Variants in FOXP1 observed in about 807,000 individuals in gnomAD.
The protein encoded by FOXP1 is forkhead box protein P1.
FOXP1 carries 15 observed loss-of-function variants against 98.2 expected under a neutral mutation model. The ratio of observed to expected loss-of-function variants is 0.15; its 90% CI spans 0.10 to 0.24. The LOEUF is 0.24. Among genes scored for constraint, FOXP1 ranks in the 10% least tolerant of loss-of-function variants. The pLI is 1.00. For synonymous variants in FOXP1, 371 were observed against 314.5 expected, an observed-to-expected ratio of 1.18 and a Z score of -1.90; for missense variants, 633 against 848.5, an observed-to-expected ratio of 0.75 and a Z score of 3.15.
At chr3:71,392,418 T>C (rs901839140) in intron 3 of FOXP1, among the ~76,000 whole-genome samples, 6 of 152,206 alleles carry the variant, frequency 3.9e-5, no homozygotes, top group African/African-American at 1.4e-4. Context: ...TTAATGGATA[T>C]ATGTGATATA....
chr3:71,139,112 T>A (rs1385575778), intron 6 of FOXP1, among the ~76,000 whole-genome samples: 1 of 152,112 alleles, frequency 6.6e-6, no homozygotes, highest in African/African-American at 2.4e-5. Context: ...ATGATTACAA[T>A]CCTGAGATAA....
At chr3:71,573,243 C>T (rs934550988) in intron 2 of FOXP1, among the ~76,000 whole-genome samples, 4 of 152,094 alleles carry the variant, frequency 2.6e-5, no homozygotes, top group African/African-American at 9.7e-5. Context: ...GACATAAATA[C>T]ACACACAAGG....
intron 9 of FOXP1, among the ~76,000 whole-genome samples, chr3:71,049,032 C>G (rs760798721): frequency 9.9e-5 from 15 of 152,202 alleles, no homozygotes; most frequent in Non-Finnish European, 2.2e-4. Context: ...GGTTGCCAAA[C>G]TGCGCTCCCC....
chr3:71,192,649 A>AT (rs1391788678), intron 6 of FOXP1, among the ~76,000 whole-genome samples: 2 of 152,144 alleles, frequency 1.3e-5, no homozygotes, highest in African/African-American at 4.8e-5. Context: ...TTGCTTGTGT[A>AT]TTTTTTGTTT....
Position 71,485,970 on chromosome 3 carries a change from G to T in FOXP1, c.-168+7456C>A, listed in dbSNP as rs575525898. 5.9e-5 allele frequency among the ~76,000 whole-genome samples: 9 copies of T among 152,230 alleles called. No individual in the cohort carries two copies. In the South Asian group the frequency reaches 1.9e-3, roughly 32 times the overall value. ...TGAAGCTGCTGTTTTAAATAAGTCA[G>T]ATTCCACCTCTTTCACAAAGACAAG... On this transcript the variant is annotated intron_variant, in intron 3 of 20. Transcript: ENST00000649528.
At chr3:71,352,483 A>AC (rs529605458) in intron 4 of FOXP1, among the ~76,000 whole-genome samples, 7 of 135,494 alleles carry the variant, frequency 5.2e-5, no homozygotes, top group South Asian at 2.3e-4. Flanking sequence ...AAAAAAAAAA[A>AC]AAAAAAAAAA....
chr3:71,514,844 G>C (rs1371239939), intron 2 of FOXP1, among the ~76,000 whole-genome samples: 3 of 152,052 alleles, frequency 2.0e-5, no homozygotes, highest in Non-Finnish European at 4.4e-5. Flanking sequence ...GCCCAGTAAG[G>C]GACTGAAACA....
At chr3:71,217,619 G>A (rs1285064505) in intron 5 of FOXP1, among the ~76,000 whole-genome samples, 1 of 152,058 alleles carries the variant, frequency 6.6e-6, no homozygotes, top group South Asian at 2.1e-4. Context: ...AGAGAGAGAT[G>A]GGCTGGGGCA....
At chr3:71,334,600 A>C (rs970684068) in intron 4 of FOXP1, 1 of 152,202 alleles carries the variant, frequency 6.6e-6, no homozygotes, top group Non-Finnish European at 1.5e-5. Context: ...ATCTAATAAA[A>C]TTACTGGACT....
chr3:71,196,727 C>T (rs1190993439), intron 6 of FOXP1, among the ~76,000 whole-genome samples: 2 of 152,194 alleles, frequency 1.3e-5, no homozygotes, highest in African/African-American at 4.8e-5. Flanking sequence ...CTATCTACTG[C>T]TGGGTTTTGC....
At chr3:71,126,652 C>T (rs1262431723) in intron 6 of FOXP1, among the ~76,000 whole-genome samples, 3 of 151,684 alleles carry the variant, frequency 2.0e-5, no homozygotes, top group South Asian at 2.1e-4. Flanking sequence ...GGCAAAACTC[C>T]GTCTCTACTA....
chr3:71,065,689 C>G (rs981608108), intron 7 of FOXP1: 1 of 152,184 alleles, frequency 6.6e-6, no homozygotes, highest in African/African-American at 2.4e-5. Context: ...ATCTGCCACA[C>G]GTTTGCTAAG....
chr3:71,064,188 C>T (rs944507377), intron 7 of FOXP1, among the ~76,000 whole-genome samples: 1 of 152,124 alleles, frequency 6.6e-6, no homozygotes, highest in Non-Finnish European at 1.5e-5. Context: ...GGGCTCTGTG[C>T]CTCTCCCTCC....
At chr3:71,122,749 T>C (rs1172340292) in intron 6 of FOXP1, among the ~76,000 whole-genome samples, 2 of 152,312 alleles carry the variant, frequency 1.3e-5, no homozygotes, top group Non-Finnish European at 2.9e-5. Flanking sequence ...TCAAGTTCAG[T>C]GACTTGCCCA....
chr3:71,059,548 A>G (rs551460166), intron 7 of FOXP1, among the ~76,000 whole-genome samples: 3 of 152,182 alleles, frequency 2.0e-5, no homozygotes, highest in South Asian at 2.1e-4. Context: ...GAAGCTACAC[A>G]TGAAAATAAT....
chr3:71,393,905 G>A (rs963289565), intron 3 of FOXP1, among the ~76,000 whole-genome samples: 2 of 152,198 alleles, frequency 1.3e-5, no homozygotes, highest in Admixed American at 1.3e-4. Flanking sequence ...GTGTTGCCCA[G>A]GCTGGTGTTG....
At chr3:71,021,630 A>T (rs186564026) in intron 11 of FOXP1, among the ~76,000 whole-genome samples, 15 of 152,342 alleles carry the variant, frequency 9.8e-5, no homozygotes, top group Admixed American at 9.1e-4. Context: ...TTTCCAAAGC[A>T]CTTTATATTC....
intron 7 of FOXP1, among the ~76,000 whole-genome samples, chr3:71,058,606 A>AG (rs1359075104): frequency 7.2e-6 from 1 of 139,466 alleles, no homozygotes; most frequent in Non-Finnish European, 1.6e-5. Context: ...GAGAGAGGAG[A>AG]AAAAAAAAAA....
In FOXP1 at chr3:71,189,261, T is replaced by G. The variant is rs553154805; in HGVS notation, c.180+8941A>C. Among the ~76,000 whole-genome samples, 5 of 152,316 alleles carry G rather than the reference T, an allele frequency of 3.3e-5. No homozygotes were observed. In the East Asian group the frequency reaches 9.7e-4, roughly 29 times the overall value. ...GTGTCAATATGGAACAAAGACTTTATCAAAGATCTAACTTCATAGTTTTGT... is the reference window on the plus strand; with the variant it reads ...GTGTCAATATGGAACAAAGACTTTAGCAAAGATCTAACTTCATAGTTTTGT... On this transcript the variant is annotated intron_variant, in intron 6 of 20. Coordinates refer to ENST00000649528, the MANE Select transcript of FOXP1 (RefSeq NM_001349338.3).
Sources: allele counts gnomAD v4.1 joint callset (sites outside exome capture counted in the v4.1 genomes callset), GRCh38; gene constraint gnomAD v4.1.1; transcripts MANE v1.5; gene names NCBI Gene and HGNC (gene_info 2026-07-23, HGNC 2026-07-21).